Variants in ZCWPW2 observed in about 807,000 individuals in gnomAD.
ZCWPW2 encodes zinc finger CW-type PWWP domain protein 2.
In ZCWPW2, 45 loss-of-function variants were observed where a neutral mutation model predicts 46.6. The observed-to-expected ratio is 0.96, with a 90% confidence interval of 0.76 to 1.24. The LOEUF (loss-of-function observed/expected upper bound fraction) is 1.24. Among genes scored for constraint, ZCWPW2 ranks in the 50% most tolerant of loss-of-function variants. The probability of loss-of-function intolerance (pLI) is 0.00; values close to 1 mark genes in which losing one functional copy is unlikely to be tolerated. For missense variants in ZCWPW2, 429 were observed against 403.9 expected, an observed-to-expected ratio of 1.06 and a Z score of -0.53; for synonymous variants, 152 against 137.1, an observed-to-expected ratio of 1.11 and a Z score of -0.76.
At chr3:28,406,997 A>G (rs1455200993) in intron 2 of ZCWPW2, among the ~76,000 whole-genome samples, 1 of 151,808 alleles carries the variant, frequency 6.6e-6, no homozygotes, top group Non-Finnish European at 1.5e-5. Context: ...CAGCTAATTT[A>G]ATTATTTTTG....
intron 2 of ZCWPW2, among the ~76,000 whole-genome samples, chr3:28,405,586 C>G (rs561339480): frequency 9.2e-5 from 14 of 152,132 alleles, no homozygotes; most frequent in Non-Finnish European, 2.1e-4. Flanking sequence ...AGTGATTCTC[C>G]TGCCTCAGCC....
intron 1 of ZCWPW2, among the ~76,000 whole-genome samples, chr3:28,357,322 A>C (rs1030547140): frequency 6.6e-6 from 1 of 152,194 alleles, no homozygotes; most frequent in Non-Finnish European, 1.5e-5. Context: ...CAAACTCACA[A>C]CTCACAAAAT....
chr3:28,365,872 A>G (rs1705104503), intron 1 of ZCWPW2, among the ~76,000 whole-genome samples: 1 of 140,888 alleles, frequency 7.1e-6, no homozygotes, highest in African/African-American at 2.5e-5. Flanking sequence ...TCTCCCGTGT[A>G]AGTTGGATTC....
intron 4 of ZCWPW2, among the ~76,000 whole-genome samples, chr3:28,470,829 G>T (rs1699015496): frequency 6.6e-6 from 1 of 151,464 alleles, no homozygotes; most frequent in South Asian, 2.1e-4. Context: ...AATTTTTTTT[G>T]AAAAGCTAAA....
intron 6 of ZCWPW2, among the ~76,000 whole-genome samples, chr3:28,504,292 TATACTC>T (rs1014073541): frequency 2.6e-5 from 4 of 152,134 alleles, no homozygotes; most frequent in South Asian, 2.1e-4. Flanking sequence ...ATCTTAAACT[TATACTC>T]TACTATACTA....
At chr3:28,405,896 G>A (rs1054789826) in intron 2 of ZCWPW2, among the ~76,000 whole-genome samples, 1 of 152,140 alleles carries the variant, frequency 6.6e-6, no homozygotes, top group Non-Finnish European at 1.5e-5. Context: ...TAGAAATATA[G>A]ACAGTAAAGA....
intron 3 of ZCWPW2, among the ~76,000 whole-genome samples, chr3:28,414,578 G>C (rs2125742851): frequency 6.9e-6 from 1 of 144,666 alleles, no homozygotes; most frequent in South Asian, 2.3e-4. Flanking sequence ...TTTAGCGTTA[G>C]GTATATCTCC....
intron 4 of ZCWPW2, among the ~76,000 whole-genome samples, chr3:28,449,211 A>G (rs1282783988): frequency 6.6e-6 from 1 of 152,200 alleles, no homozygotes; most frequent in African/African-American, 2.4e-5. Context: ...CTAGACCCTT[A>G]CCTAAAATCA....
intron 2 of ZCWPW2, among the ~76,000 whole-genome samples, chr3:28,406,142 AGAG>A: frequency 6.6e-6 from 1 of 152,214 alleles, no homozygotes; most frequent in Non-Finnish European, 1.5e-5. Flanking sequence ...GTAAAGTATA[AGAG>A]GAGAAAAGTG....
intron 1 of ZCWPW2, 122 bp from the exon 2 acceptor site, chr3:28,390,376 G>A (rs1695438572): frequency 1.2e-6 from 1 of 830,272 alleles, no homozygotes; most frequent in South Asian, 5.5e-5. Flanking sequence ...CCTACCCAAA[G>A]TTTTTACCAA....
At chr3:28,433,781 AAAC>A (rs1306036659) in intron 3 of ZCWPW2, among the ~76,000 whole-genome samples, 2 of 151,254 alleles carry the variant, frequency 1.3e-5, no homozygotes, top group Non-Finnish European at 2.9e-5. Flanking sequence ...AAAAAACAAA[AAAC>A]AAAAAAAACT....
At chr3:28,367,166 T>TC (rs1705151081) in intron 1 of ZCWPW2, among the ~76,000 whole-genome samples, 1 of 152,188 alleles carries the variant, frequency 6.6e-6, no homozygotes, top group African/African-American at 2.4e-5. Context: ...CTGATCTTAG[T>TC]TATTTCTTGC....
rs1436267355 is a variant in ZCWPW2, at chr3:28,349,105, GC to G, written c.-231del. On this transcript the variant is annotated 5_prime_UTR_variant, in exon 1 of 10. The change creates a premature stop within an existing upstream ORF in the 5' untranslated region. Coordinates refer to ENST00000383768, the MANE Select transcript of ZCWPW2 (RefSeq NM_001040432.4). ...GGTTCGGTCGTGGGGGTGGGGAAGTGCAGGAGTGGCGCGCGGCGTACTACAT... is the reference window on the plus strand; with the variant it reads ...GGTTCGGTCGTGGGGGTGGGGAAGTGAGGAGTGGCGCGCGGCGTACTACAT... The G allele has an allele frequency of 1.0e-6, 1 of 985,604 alleles. No individual in the cohort carries two copies. The highest frequency in any genetic ancestry group is 1.1e-4 in the East Asian group (1 of 8,788). 61.1% of individuals were successfully genotyped at this position (985,604 alleles called of 1,614,324 possible). A position where few individuals can be genotyped will look rare whatever the true frequency, so the allele number is the denominator to read the frequency against.
rs762418039 is a variant in ZCWPW2 at position 28,515,578 on chromosome 3, T to C, written c.741T>C (p.Phe247=). 1.2e-6 allele frequency: 2 copies of C among 1,609,380 alleles called. No individual in the cohort carries two copies. The highest frequency in any genetic ancestry group is 2.2e-5 in the East Asian group (1 of 44,674). Reference sequence around the variant, plus strand: ...GGAAAGCAATTTTAAAATGCTCTTTTGAAAATGTTTATTCTGATGATGCCT... The same window carrying C: ...GGAAAGCAATTTTAAAATGCTCTTTCGAAAATGTTTATTCTGATGATGCCT... ...RKRKAILKCS[F]ENVYSDDALS... Residue 247 remains phenylalanine, a synonymous_variant, in exon 8 of 10, where the codon TTT becomes TTC. Coordinates refer to ENST00000383768, the MANE Select transcript of ZCWPW2 (RefSeq NM_001040432.4).
Position 28,524,591 on chromosome 3 carries a change from ATCT to A in ZCWPW2, c.976_978del (p.Leu326del). The A allele has an allele frequency of 6.2e-7, 1 of 1,610,034 alleles. No homozygotes were observed. Among genetic ancestry groups the A allele is most frequent in the Non-Finnish European group, 8.5e-7 (1 of 1,178,066 alleles). On this transcript the variant is annotated inframe_deletion, in exon 10 of 10. Coordinates refer to ENST00000383768, the MANE Select transcript of ZCWPW2 (RefSeq NM_001040432.4). ...TTTGAAAACCACTATGAAGAGGACTATCTTGTAATTGATGGGATAAAATTAAAA... is the reference window on the plus strand; with the variant it reads ...TTTGAAAACCACTATGAAGAGGACTATGTAATTGATGGGATAAAATTAAAA...
chr3:28,522,615 T>C (rs1700753161), intron 9 of ZCWPW2, among the ~76,000 whole-genome samples: 1 of 152,206 alleles, frequency 6.6e-6, no homozygotes, highest in Admixed American at 6.5e-5. Flanking sequence ...AATGTACTAC[T>C]ATGGAGATTA....
chr3:28,430,422 T>TAAA (rs1378024223), intron 3 of ZCWPW2, among the ~76,000 whole-genome samples: 1 of 152,226 alleles, frequency 6.6e-6, no homozygotes, highest in African/African-American at 2.4e-5. Flanking sequence ...TATCTAAGAA[T>TAAA]TAACTAACTT....
At chr3:28,393,733 A>T (rs1467637890) in intron 2 of ZCWPW2, among the ~76,000 whole-genome samples, 1 of 152,172 alleles carries the variant, frequency 6.6e-6, no homozygotes, top group Non-Finnish European at 1.5e-5. Context: ...GACAAAATTT[A>T]ACATCAGTTT....
chr3:28,510,308 A>C (rs1156646237), intron 6 of ZCWPW2, among the ~76,000 whole-genome samples: 14 of 152,248 alleles, frequency 9.2e-5, no homozygotes, highest in Non-Finnish European at 1.5e-4. Flanking sequence ...GCCCCACTGC[A>C]TGCCTTTGGC....
Sources: gnomAD v4.1 joint callset for allele counts (sites outside exome capture counted in the v4.1 genomes callset) on GRCh38, gnomAD v4.1.1 for gene constraint, MANE v1.5 for transcripts, NCBI Gene and HGNC (gene_info 2026-07-23, HGNC 2026-07-21) for gene names.